Variants in SBF2 observed in about 807,000 individuals in gnomAD.
SBF2 encodes SET binding factor 2, also known as myotubularin-related protein 13.
A neutral mutation model predicts 225.2 loss-of-function variants in SBF2; 112 were observed. That is an observed-to-expected ratio of 0.50 (90% CI 0.43 to 0.58). The LOEUF is 0.58. Ranked by LOEUF, SBF2 falls within the 20% of genes least tolerant of loss-of-function variation. The probability of loss-of-function intolerance (pLI) is 0.00; values close to 1 mark genes in which losing one functional copy is unlikely to be tolerated. For synonymous variants in SBF2, 763 were observed against 773.3 expected, an observed-to-expected ratio of 0.99 and a Z score of 0.22; for missense variants, 1,996 against 2,206.2, an observed-to-expected ratio of 0.90 and a Z score of 1.91.
At chr11:9,928,434 A>G (rs1052594071) in intron 16 of SBF2, among the ~76,000 whole-genome samples, 1 of 152,226 alleles carries the variant, frequency 6.6e-6, no homozygotes, top group Non-Finnish European at 1.5e-5. Context: ...CTTCAAATGG[A>G]AAGACTGACT....
In SBF2 at chr11:9,808,105, C is replaced by T; in HGVS notation, c.4338G>A (p.Trp1446Ter). The T allele has an allele frequency of 6.2e-7, 1 of 1,613,940 alleles. No homozygotes were observed. The highest frequency in any genetic ancestry group is 8.5e-7 in the Non-Finnish European group (1 of 1,179,842). ...EGFQMLVEKE[W>*]LSFGHKFSQR... ...GACTGAATTTGTGACCAAAAGAGAG[C>T]CACTCTTTTTCAACCAACATCTGGA... Residue 1446 changes from tryptophan to a stop codon, truncating the protein, a stop_gained, in exon 32 of 40, where the codon TGG becomes TGA. Coordinates refer to ENST00000256190, the MANE Select transcript of SBF2 (RefSeq NM_030962.4). LOFTEE classifies it high-confidence loss of function.
At chr11:10,253,457 T>C (rs1251063418) in intron 1 of SBF2, among the ~76,000 whole-genome samples, 2 of 152,196 alleles carry the variant, frequency 1.3e-5, no homozygotes, top group African/African-American at 2.4e-5. Context: ...TGATTTTAAC[T>C]GCTTGGAAAC....
intron 16 of SBF2, among the ~76,000 whole-genome samples, chr11:9,929,657 C>A (rs1359804810): frequency 6.6e-6 from 1 of 152,156 alleles, no homozygotes; most frequent in African/African-American, 2.4e-5. Context: ...TGTCACACAA[C>A]CAATGCTTCA....
intron 16 of SBF2, among the ~76,000 whole-genome samples, chr11:9,934,180 C>T (rs1864713218): frequency 6.6e-6 from 1 of 152,164 alleles, no homozygotes; most frequent in South Asian, 2.1e-4. Flanking sequence ...CTATAAACAC[C>T]TCTGCTCAAA....
chr11:9,995,483 T>C (rs1311137951), intron 9 of SBF2, among the ~76,000 whole-genome samples: 1 of 152,146 alleles, frequency 6.6e-6, no homozygotes, highest in African/African-American at 2.4e-5. Flanking sequence ...TACAAAATAA[T>C]CCATATTACA....
intron 1 of SBF2, among the ~76,000 whole-genome samples, chr11:10,274,887 CAAGT>C (rs1962837046): frequency 6.6e-6 from 1 of 151,858 alleles, no homozygotes; most frequent in African/African-American, 2.4e-5. Context: ...AAATTTTTAA[CAAGT>C]ATGTATTACT....
At chr11:9,806,702 A>G (rs533914288) in intron 32 of SBF2, among the ~76,000 whole-genome samples, 1 of 152,338 alleles carries the variant, frequency 6.6e-6, no homozygotes, top group South Asian at 2.1e-4. Flanking sequence ...CTTGTCTTTA[A>G]TAAGTAAATT....
intron 2 of SBF2, among the ~76,000 whole-genome samples, chr11:10,190,847 T>C (rs1957138221): frequency 6.6e-6 from 1 of 152,184 alleles, no homozygotes; most frequent in Admixed American, 6.5e-5. Flanking sequence ...ACATTTACAC[T>C]AAAAGACTAA....
rs1422229249 is a variant in SBF2, at chr11:9,826,114, ATGAAATTTCC to A, written c.3793+3232_3793+3241del. ...AAAATACCAGTCCACACCCCAAAAC[ATGAAATTTCC>A]TAGTTGTAACACTGCTAGTGGGTCC... On this transcript the variant is annotated intron_variant, in intron 28 of 39. Transcript: ENST00000256190. 2.0e-5 allele frequency among the ~76,000 whole-genome samples: 3 copies of A among 152,220 alleles called. No homozygotes were observed. In the East Asian group the frequency reaches 5.8e-4, roughly 29 times the overall value.
chr11:10,168,432 T>C (rs576848293), intron 2 of SBF2, among the ~76,000 whole-genome samples: 13 of 152,330 alleles, frequency 8.5e-5, no homozygotes, highest in Non-Finnish European at 8.8e-5. Flanking sequence ...CCCTTACCCC[T>C]GTTTCATGTT....
At chr11:10,140,478 G>T (rs1013876166) in intron 2 of SBF2, among the ~76,000 whole-genome samples, 3 of 152,224 alleles carry the variant, frequency 2.0e-5, no homozygotes, top group Admixed American at 6.5e-5. Context: ...TGGAGGTTCT[G>T]AGAGGTGGTG....
At chr11:10,220,134 C>T (rs57361167) in intron 1 of SBF2, among the ~76,000 whole-genome samples, 2,197 of 152,238 alleles carry the variant, frequency 0.014, 42 homozygotes, top group African/African-American at 0.037. Flanking sequence ...GCTCAGGAGG[C>T]CTCACAATCA....
intron 13 of SBF2, among the ~76,000 whole-genome samples, chr11:9,988,293 C>T (rs553066715): frequency 6.6e-6 from 1 of 152,116 alleles, no homozygotes; most frequent in Admixed American, 6.6e-5. Context: ...AAACCTAGGA[C>T]CTGAAACTAT....
chr11:9,954,518 C>T (rs1866039212), intron 16 of SBF2, among the ~76,000 whole-genome samples: 2 of 152,134 alleles, frequency 1.3e-5, no homozygotes, highest in Non-Finnish European at 2.9e-5. Flanking sequence ...CTGCGAAGGG[C>T]CTCTATACAA....
At chr11:9,908,762 AT>A (rs1862331106) in intron 16 of SBF2, among the ~76,000 whole-genome samples, 1 of 151,782 alleles carries the variant, frequency 6.6e-6, no homozygotes, top group African/African-American at 2.4e-5. Context: ...CGGTGGTGTG[AT>A]TTTGGCTCAC....
chr11:9,977,653 T>C (rs1489024110), intron 13 of SBF2, among the ~76,000 whole-genome samples: 2 of 152,174 alleles, frequency 1.3e-5, no homozygotes, highest in Non-Finnish European at 2.9e-5. Flanking sequence ...ATAATCTCTG[T>C]TACAATATCT....
At chr11:9,971,481 C>T (rs1475903571) in intron 13 of SBF2, among the ~76,000 whole-genome samples, 4 of 151,926 alleles carry the variant, frequency 2.6e-5, no homozygotes, top group Non-Finnish European at 1.5e-5. Flanking sequence ...GAGTTCAAGA[C>T]CAGTCTGGGC....
At chr11:9,944,282 T>C (rs1017183171) in intron 16 of SBF2, among the ~76,000 whole-genome samples, 3 of 152,236 alleles carry the variant, frequency 2.0e-5, no homozygotes, top group Non-Finnish European at 2.9e-5. Flanking sequence ...AGTTGCAGTA[T>C]AGCTCTGAAG....
intron 1 of SBF2, among the ~76,000 whole-genome samples, chr11:10,250,383 T>C (rs1960229851): frequency 6.6e-6 from 1 of 152,224 alleles, no homozygotes; most frequent in South Asian, 2.1e-4. Context: ...ACAGCTGCCT[T>C]GTCCTTCTTG....
Sources: allele counts gnomAD v4.1 joint callset (sites outside exome capture counted in the v4.1 genomes callset), GRCh38; gene constraint gnomAD v4.1.1; transcripts MANE v1.5; gene names NCBI Gene and HGNC (gene_info 2026-07-23, HGNC 2026-07-21).